Variants in SGCD observed in about 807,000 individuals in gnomAD.
SGCD encodes sarcoglycan delta.
In SGCD, 18 loss-of-function variants were observed where a neutral mutation model predicts 36.6. The ratio of observed to expected loss-of-function variants is 0.49; its 90% CI spans 0.34 to 0.73. The LOEUF is 0.73. Ranked by LOEUF, SGCD falls within the 30% of genes least tolerant of loss-of-function variation. SGCD has a pLI of 0.01. For synonymous variants in SGCD, 133 were observed against 130.6 expected (o/e 1.02, Z -0.12); for missense variants, 387 against 346.7 (o/e 1.12, Z -0.92).
In SGCD at chr5:156,621,670, G is replaced by A. The variant is rs186207992; in HGVS notation, c.503-25794G>A. On this transcript the variant is annotated intron_variant, in intron 6 of 8. Coordinates refer to ENST00000337851, the MANE Select transcript of SGCD (RefSeq NM_000337.6). ...TGGAAGGATTAATTAATCAGTCCAA[G>A]CGTTGGAAGCACTAAATGTGGAGTA... 4.6e-3 allele frequency among the ~76,000 whole-genome samples: 697 copies of A among 152,324 alleles called. 1 individual carries two copies. The highest frequency in any genetic ancestry group is 0.015 in the African/African-American group (642 of 41,576).
At chr5:155,979,968 A>G (rs148425005) in intron 1 of SGCD, among the ~76,000 whole-genome samples, 145 of 152,236 alleles carry the variant, frequency 9.5e-4, no homozygotes, top group African/African-American at 3.3e-3. Flanking sequence ...GATAACACTC[A>G]TGAGGGTTCC....
the SGCD span, among the ~76,000 whole-genome samples, chr5:155,854,744 C>T: frequency 2.0e-5 from 3 of 152,102 alleles, no homozygotes; most frequent in Non-Finnish European, 4.4e-5. Flanking sequence ...TATTACATGT[C>T]ATACAAATCT....
chr5:156,506,564 A>G (rs920745684), intron 3 of SGCD, among the ~76,000 whole-genome samples: 1 of 152,218 alleles, frequency 6.6e-6, no homozygotes, highest in Non-Finnish European at 1.5e-5. Flanking sequence ...AACATCTCAT[A>G]GAGAAGCAAA....
intron 2 of SGCD, among the ~76,000 whole-genome samples, chr5:156,342,278 C>G (rs529906749): frequency 5.9e-5 from 9 of 152,338 alleles, no homozygotes; most frequent in Admixed American, 1.3e-4. Context: ...GGCAATATCA[C>G]CAGCTTCTGC....
At chr5:156,522,193 G>C (rs1297862607) in intron 4 of SGCD, among the ~76,000 whole-genome samples, 5 of 152,132 alleles carry the variant, frequency 3.3e-5, no homozygotes, top group East Asian at 3.9e-4. Flanking sequence ...GGGCCTGTCA[G>C]GGGGTGGGGG....
intron 3 of SGCD, among the ~76,000 whole-genome samples, chr5:156,150,537 G>T (rs1762808531): frequency 6.6e-6 from 1 of 151,648 alleles, no homozygotes; most frequent in Non-Finnish European, 1.5e-5. Flanking sequence ...TGTAGCTTTT[G>T]TACCTGGTAC....
chr5:156,719,975 C>CTGTTA (rs772142502), intron 7 of SGCD, among the ~76,000 whole-genome samples: 11 of 152,136 alleles, frequency 7.2e-5, no homozygotes, highest in Non-Finnish European at 1.3e-4. Flanking sequence ...GAGAAACACT[C>CTGTTA]TCTAACAGAG....
At chr5:156,293,000 T>G (rs1766799387) in intron 3 of SGCD, among the ~76,000 whole-genome samples, 1 of 152,144 alleles carries the variant, frequency 6.6e-6, no homozygotes. Context: ...ATTCTGAATA[T>G]TAATCCTTTA....
upstream of SGCD, chr5:156,326,684 G>C (rs564373576): frequency 2.4e-4 from 36 of 152,490 alleles, no homozygotes; most frequent in African/African-American, 8.2e-4. Flanking sequence ...AAGAGCTCAG[G>C]GGGCTGACAG....
intron 7 of SGCD, among the ~76,000 whole-genome samples, chr5:156,670,711 T>G (rs563096549): frequency 4.6e-5 from 7 of 152,282 alleles, no homozygotes; most frequent in African/African-American, 1.7e-4. Flanking sequence ...ATCCAGAACT[T>G]TCCATGGTTT....
chr5:156,083,422 G>A (rs377257986), intron 1 of SGCD, among the ~76,000 whole-genome samples: 1 of 151,652 alleles, frequency 6.6e-6, no homozygotes, highest in African/African-American at 2.4e-5. Flanking sequence ...AGCCTCCCGA[G>A]TAGCTGGGAT....
chr5:155,906,321 A>T (rs1317781175), intron 1 of SGCD, among the ~76,000 whole-genome samples: 2 of 152,106 alleles, frequency 1.3e-5, no homozygotes, highest in African/African-American at 4.8e-5. Context: ...GCCAATTAAT[A>T]ACCCTACAGT....
intron 3 of SGCD, among the ~76,000 whole-genome samples, chr5:156,478,201 C>T (rs1755273114): frequency 6.6e-6 from 1 of 152,142 alleles, no homozygotes. Flanking sequence ...ACTTATCTTT[C>T]TGTAATTTCT....
At chr5:156,672,180 G>T (rs1402963081) in intron 7 of SGCD, among the ~76,000 whole-genome samples, 1 of 152,140 alleles carries the variant, frequency 6.6e-6, no homozygotes, top group Non-Finnish European at 1.5e-5. Flanking sequence ...CTAATCCCTT[G>T]CTTGGGATAC....
At chr5:156,087,496 T>C (rs571345604) in intron 1 of SGCD, among the ~76,000 whole-genome samples, 3 of 151,858 alleles carry the variant, frequency 2.0e-5, no homozygotes, top group Non-Finnish European at 4.4e-5. Context: ...AAAAATTAGC[T>C]GGGCATGGTG....
chr5:156,138,581 C>T (rs1208079577), intron 3 of SGCD, among the ~76,000 whole-genome samples: 1 of 152,106 alleles, frequency 6.6e-6, no homozygotes, highest in Admixed American at 6.6e-5. Context: ...ACTATAATTG[C>T]TTATTCATTT....
At chr5:156,161,581 G>C (rs1250810431) in intron 3 of SGCD, among the ~76,000 whole-genome samples, 1 of 151,860 alleles carries the variant, frequency 6.6e-6, no homozygotes, top group Non-Finnish European at 1.5e-5. Context: ...ATAAAACCAA[G>C]GCTATATATG....
chr5:156,068,175 G>A (rs933500341), intron 1 of SGCD, among the ~76,000 whole-genome samples: 2 of 151,304 alleles, frequency 1.3e-5, no homozygotes, highest in African/African-American at 4.9e-5. Flanking sequence ...ACAATGTGCA[G>A]GTTAGTTACA....
At chr5:156,075,351 A>C (rs1394207917) in intron 1 of SGCD, among the ~76,000 whole-genome samples, 1 of 152,192 alleles carries the variant, frequency 6.6e-6, no homozygotes, top group African/African-American at 2.4e-5. Context: ...AAAAGAGTAA[A>C]AAAGAAAAAA....
Sources: gnomAD v4.1 joint callset for allele counts (sites outside exome capture counted in the v4.1 genomes callset) on GRCh38, gnomAD v4.1.1 for gene constraint, MANE v1.5 for transcripts, NCBI Gene and HGNC (gene_info 2026-07-23, HGNC 2026-07-21) for gene names.